The following ARNT2 variants were observed in gnomAD, a reference collection of about 807,000 sequenced individuals.
ARNT2 encodes ARNT protein 2.
Under a neutral mutation model 91.7 loss-of-function variants are expected in ARNT2, and 36 were observed. The ratio of observed to expected loss-of-function variants is 0.39; its 90% CI spans 0.30 to 0.52. The LOEUF (loss-of-function observed/expected upper bound fraction) is 0.52, where lower values mean the gene tolerates loss of function less well. Ranked by LOEUF, ARNT2 falls within the 20% of genes least tolerant of loss-of-function variation. ARNT2 has a pLI of 0.72. For synonymous variants in ARNT2, 365 were observed against 347.1 expected, an observed-to-expected ratio of 1.05 and a Z score of -0.57; for missense variants, 775 against 939.3, an observed-to-expected ratio of 0.83 and a Z score of 2.29.
chr15:80,551,924 T>C (rs1027187970), intron 9 of ARNT2, among the ~76,000 whole-genome samples: 1 of 152,172 alleles, frequency 6.6e-6, no homozygotes, highest in African/African-American at 2.4e-5. Flanking sequence ...GAGTGCATGC[T>C]CATCCCCGCA....
intron 1 of ARNT2, among the ~76,000 whole-genome samples, chr15:80,432,839 T>C (rs968364084): frequency 5.3e-5 from 8 of 152,188 alleles, no homozygotes; most frequent in African/African-American, 2.4e-5. Context: ...CTCCCCTATC[T>C]TCAAGTATTG....
At chr15:80,431,518 G>A (rs1282259737) in intron 1 of ARNT2, among the ~76,000 whole-genome samples, 2 of 152,298 alleles carry the variant, frequency 1.3e-5, no homozygotes, top group African/African-American at 2.4e-5. Flanking sequence ...CTTTGAGCCT[G>A]TCCTGTCTCC....
chr15:80,591,543 G>A lies in ARNT2; in HGVS notation c.1919-25G>A. 2 of 1,613,830 alleles carry A rather than the reference G, an allele frequency of 1.2e-6. No homozygotes were observed. On this transcript the variant is annotated intron_variant, in intron 17 of 18. Transcript: ENST00000303329. This position sits in a 1 kb window ranked among gnomAD's most constrained non-coding sequence, Gnocchi z 5.1. ...AACCACGGGATGGCTTTTAAAGGAAGTGTCCTGTGTGTCGAATCTTTCAGC... is the reference window on the plus strand; with the variant it reads ...AACCACGGGATGGCTTTTAAAGGAAATGTCCTGTGTGTCGAATCTTTCAGC...
chr15:80,417,972 G>A (rs929654333), intron 1 of ARNT2, among the ~76,000 whole-genome samples: 5 of 152,226 alleles, frequency 3.3e-5, no homozygotes, highest in Non-Finnish European at 5.9e-5. Context: ...GGTGATCACA[G>A]CACTCATCTC....
chr15:80,428,405 A>C (rs1895961837), intron 1 of ARNT2, among the ~76,000 whole-genome samples: 2 of 152,236 alleles, frequency 1.3e-5, no homozygotes, highest in Admixed American at 1.3e-4. Flanking sequence ...ATGGACTAGC[A>C]AGTGAGGAAC....
At chr15:80,451,096 G>A (rs1896382344) in intron 2 of ARNT2, 102 bp downstream of exon 2, 1 of 1,157,848 alleles carries the variant, frequency 8.6e-7, no homozygotes, top group African/African-American at 1.5e-5. Flanking sequence ...TAGAATAAAA[G>A]CTCAGCAGTT....
chr15:80,441,184 A>G (rs1046386823), intron 1 of ARNT2: 1 of 982,142 alleles, frequency 1.0e-6, no homozygotes, highest in African/African-American at 1.7e-5. Flanking sequence ...ATCAGTATGC[A>G]AGACAGTTGT....
At chr15:80,471,146 G>C (rs1472097809) in intron 4 of ARNT2, among the ~76,000 whole-genome samples, 2 of 152,238 alleles carry the variant, frequency 1.3e-5, no homozygotes, top group Non-Finnish European at 2.9e-5. Flanking sequence ...ATCAATGACA[G>C]ATTGGATAAA....
intron 8 of ARNT2, among the ~76,000 whole-genome samples, chr15:80,514,765 C>T (rs1294279283): frequency 2.6e-5 from 4 of 151,990 alleles, no homozygotes; most frequent in Non-Finnish European, 4.4e-5. Context: ...GGGCGCCTGT[C>T]GTCCCAGCTA....
chr15:80,576,815 G>T, intron 14 of ARNT2, 51 bp from the exon 15 acceptor site: 1 of 1,599,136 alleles, frequency 6.3e-7, no homozygotes, highest in Non-Finnish European at 8.6e-7. Flanking sequence ...CTCCTCTGTG[G>T]TCTGCAGAGC....
intron 5 of ARNT2, among the ~76,000 whole-genome samples, chr15:80,496,878 T>C (rs1897131943): frequency 6.6e-6 from 1 of 152,194 alleles, no homozygotes; most frequent in Admixed American, 6.5e-5. Flanking sequence ...GAGTTGTAAC[T>C]GGGCCACTGT....
At chr15:80,569,758 T>C (rs1348701597) in intron 12 of ARNT2, among the ~76,000 whole-genome samples, 2 of 152,250 alleles carry the variant, frequency 1.3e-5, no homozygotes, top group Admixed American at 1.3e-4. Flanking sequence ...ACAGCCTTTA[T>C]CCACATTAGA....
intron 8 of ARNT2, among the ~76,000 whole-genome samples, chr15:80,533,327 G>C (rs182109264): frequency 6.6e-6 from 1 of 152,214 alleles, no homozygotes; most frequent in South Asian, 2.1e-4. Context: ...CACTGATGGC[G>C]GTGAGAGGTG....
intron 5 of ARNT2, among the ~76,000 whole-genome samples, chr15:80,504,144 C>T (rs1897238645): frequency 6.6e-6 from 1 of 152,198 alleles, no homozygotes; most frequent in Non-Finnish European, 1.5e-5. Flanking sequence ...GTGACTTCTT[C>T]AAGGCCCTTT....
At chr15:80,546,894 T>G (rs1596007363) in intron 8 of ARNT2, among the ~76,000 whole-genome samples, 1 of 146,676 alleles carries the variant, frequency 6.8e-6, no homozygotes, top group South Asian at 2.2e-4. Flanking sequence ...ACTCGGGAGG[T>G]GGAAGTTGCA....
intron 12 of ARNT2, 62 bp from the exon 13 acceptor site, chr15:80,574,086 G>A (rs1372616777): frequency 2.1e-6 from 3 of 1,441,876 alleles, no homozygotes; most frequent in Admixed American, 1.7e-5. Flanking sequence ...AAAAGTCCTG[G>A]CTTAGCCCTA....
intron 8 of ARNT2, among the ~76,000 whole-genome samples, chr15:80,534,994 C>T (rs1897797332): frequency 6.6e-6 from 1 of 152,132 alleles, no homozygotes. Flanking sequence ...AGAGACCCAA[C>T]AAATCAGGAA....
intron 1 of ARNT2, among the ~76,000 whole-genome samples, chr15:80,425,044 A>T (rs1318545135): frequency 6.6e-6 from 1 of 152,238 alleles, no homozygotes; most frequent in Admixed American, 6.5e-5. Context: ...TATATCATGA[A>T]CATGCTTGTG....
At chr15:80,455,268 ATCCT>A (rs1440090551) in intron 2 of ARNT2, among the ~76,000 whole-genome samples, 3 of 152,206 alleles carry the variant, frequency 2.0e-5, no homozygotes, top group African/African-American at 7.2e-5. Flanking sequence ...GGATTGAGTC[ATCCT>A]GAGTATTTAA....
Sources: gnomAD v4.1 joint callset for allele counts (sites outside exome capture counted in the v4.1 genomes callset) on GRCh38, gnomAD v4.1.1 for gene constraint, Gnocchi (gnomAD v3.1) non-coding constraint, MANE v1.5 for transcripts, NCBI Gene and HGNC (gene_info 2026-07-23, HGNC 2026-07-21) for gene names.